Variants in C1GALT1 observed in about 807,000 individuals in gnomAD.
C1GALT1 encodes glycoprotein-N-acetylgalactosamine 3-beta-galactosyltransferase 1.
A neutral mutation model predicts 31.0 loss-of-function variants in C1GALT1; 11 were observed. The observed-to-expected ratio is 0.36, with a 90% CI of 0.22 to 0.59. The LOEUF is 0.59. C1GALT1 is among the 20% of genes least tolerant of loss of function. The pLI is 0.79. For missense variants in C1GALT1, 424 were observed against 425.2 expected, an observed-to-expected ratio of 1.00 and a Z score of 0.03; for synonymous variants, 175 against 143.6, an observed-to-expected ratio of 1.22 and a Z score of -1.56.
intron 2 of C1GALT1, among the ~76,000 whole-genome samples, chr7:7,162,802 G>A (rs1461722201): frequency 6.6e-6 from 1 of 152,072 alleles, no homozygotes; most frequent in Non-Finnish European, 1.5e-5. Context: ...TTTAATGATT[G>A]CCATTCTAAC....
At chr7:7,170,680 A>G (rs61458286) in intron 2 of C1GALT1, among the ~76,000 whole-genome samples, 3,672 of 152,230 alleles carry the variant, frequency 0.024, 131 homozygotes, top group African/African-American at 0.083. Context: ...TTACTCAGGA[A>G]GCTGAGGAAG....
intron 2 of C1GALT1, among the ~76,000 whole-genome samples, chr7:7,236,887 C>G (rs1406253373): frequency 2.0e-5 from 3 of 152,110 alleles, no homozygotes; most frequent in Non-Finnish European, 4.4e-5. Flanking sequence ...AGTTGGTTAA[C>G]TAGTATATTA....
chr7:7,230,839 C>A (rs1467439657), intron 1 of C1GALT1, among the ~76,000 whole-genome samples: 2 of 151,646 alleles, frequency 1.3e-5, no homozygotes, highest in Non-Finnish European at 2.9e-5. Flanking sequence ...ATGGATCCTC[C>A]TTATACTTTT....
intron 2 of C1GALT1, among the ~76,000 whole-genome samples, chr7:7,165,496 G>A (rs993965147): frequency 1.3e-5 from 2 of 152,170 alleles, no homozygotes; most frequent in African/African-American, 4.8e-5. Flanking sequence ...TCCATGGGGT[G>A]CAGATGAGAC....
intron 1 of C1GALT1, among the ~76,000 whole-genome samples, chr7:7,202,180 G>T (rs969120302): frequency 6.6e-6 from 1 of 152,228 alleles, no homozygotes; most frequent in Non-Finnish European, 1.5e-5. Context: ...TGGGCACTCA[G>T]AGTTTTTTGG....
chr7:7,216,161 G>A lies in C1GALT1; in HGVS notation c.-17-18142G>A, dbSNP rs149862945. ...TAAGGAAGTTCCAGTGTTTGAGAGT[G>A]CACTCCAGAGGGGTGCAAGCTGAAG... On this transcript the variant is annotated intron_variant, in intron 1 of 3. Transcript: ENST00000436587. Among the ~76,000 whole-genome samples the A allele has an allele frequency of 2.6e-5, 4 of 152,242 alleles. No homozygotes were observed. The East Asian group carries it at 7.7e-4, about 29-fold the overall frequency.
intron 1 of C1GALT1, among the ~76,000 whole-genome samples, chr7:7,188,430 A>G (rs1287581161): frequency 6.6e-6 from 1 of 152,208 alleles, no homozygotes; most frequent in African/African-American, 2.4e-5. Flanking sequence ...TGAAAGGATC[A>G]AGAGATCATT....
chr7:7,221,097 G>C (rs1020254241), intron 1 of C1GALT1, among the ~76,000 whole-genome samples: 2 of 152,086 alleles, frequency 1.3e-5, no homozygotes, highest in African/African-American at 4.8e-5. Flanking sequence ...GATCCTTTCA[G>C]TGTGAAAATG....
intron 1 of C1GALT1, among the ~76,000 whole-genome samples, chr7:7,207,230 GTC>G (rs1376981913): frequency 6.6e-6 from 1 of 150,502 alleles, no homozygotes; most frequent in Non-Finnish European, 1.5e-5. Context: ...CTGCCTTTCA[GTC>G]TCTCTAGTGG....
At chr7:7,233,959 T>C (rs1285646040) in intron 1 of C1GALT1, among the ~76,000 whole-genome samples, 1 of 150,442 alleles carries the variant, frequency 6.6e-6, no homozygotes, top group African/African-American at 2.5e-5. Flanking sequence ...GAAAAAGAAG[T>C]AGACTTCCGT....
chr7:7,218,379 T>C (rs1782348364), intron 1 of C1GALT1, among the ~76,000 whole-genome samples: 1 of 152,204 alleles, frequency 6.6e-6, no homozygotes, highest in South Asian at 2.1e-4. Flanking sequence ...AGTATTATAT[T>C]TTTAAGACAG....
Position 7,238,382 on chromosome 7 carries a change from C to T in C1GALT1, c.348C>T (p.Asn116=). The T allele has an allele frequency of 6.2e-7, 1 of 1,614,060 alleles. No individual in the cohort carries two copies. The part of the protein sequence containing the change: ...HVKATWAQRC[N]KVLFMSSEEN... ...AAGCTACTTGGGCCCAGCGTTGTAA[C>T]AAAGTGTTGTTTATGAGTTCAGAAG... Residue 116 remains asparagine, a synonymous_variant, in exon 3 of 4, where the codon AAC becomes AAT. Transcript: ENST00000436587. The surrounding 1 kb of genome is among the most constrained non-coding windows in gnomAD (Gnocchi z 5.2).
At chr7:7,199,722 T>C (rs942651251) in intron 1 of C1GALT1, among the ~76,000 whole-genome samples, 1 of 152,234 alleles carries the variant, frequency 6.6e-6, no homozygotes. Flanking sequence ...ATCTGGGTGC[T>C]CTTGTATTGG....
At chr7:7,207,842 T>A (rs1781820611) in intron 1 of C1GALT1, among the ~76,000 whole-genome samples, 1 of 152,022 alleles carries the variant, frequency 6.6e-6, no homozygotes, top group Non-Finnish European at 1.5e-5. Flanking sequence ...GTCTGAGATT[T>A]TGTACAATTA....
intron 1 of C1GALT1, among the ~76,000 whole-genome samples, chr7:7,223,579 T>C (rs55930739): frequency 3.1e-4 from 47 of 152,206 alleles, no homozygotes; most frequent in African/African-American, 1.1e-3. Context: ...TTTGTTTGTT[T>C]TTTATTATTT....
At chr7:7,180,123 A>G (rs1780553731), upstream of C1GALT1, among the ~76,000 whole-genome samples, 1 of 152,216 alleles carries the variant, frequency 6.6e-6, no homozygotes. Context: ...TACTCCAACG[A>G]GTTTTGACAT....
rs1783446823 is a variant in C1GALT1 at position 7,238,041 on chromosome 7, C to A, written c.221-214C>A. On this transcript the variant is annotated intron_variant, in intron 2 of 3. Coordinates refer to ENST00000436587, the MANE Select transcript of C1GALT1 (RefSeq NM_020156.5). The surrounding 1 kb of genome is among the most constrained non-coding windows in gnomAD (Gnocchi z 5.2). ...ATTTAGATTATAATGTCAACTCTTACTAGCTCCAGTGATGTCCTAGATAAC... is the reference window on the plus strand; with the variant it reads ...ATTTAGATTATAATGTCAACTCTTAATAGCTCCAGTGATGTCCTAGATAAC... Among the ~76,000 whole-genome samples, 1 of 152,178 alleles carries A rather than the reference C, an allele frequency of 6.6e-6. No homozygotes were observed.
Position 7,238,577 on chromosome 7 carries a change from G to T in C1GALT1, c.543G>T (p.Trp181Cys). Residue 181 changes from tryptophan (W) to cysteine (C), a missense_variant, in exon 3 of 4, where the codon TGG becomes TGT. By Grantham distance (215) the Trp-to-Cys change is radical (BLOSUM62 -2). Transcript: ENST00000436587. The surrounding 1 kb of genome is among the most constrained non-coding windows in gnomAD (Gnocchi z 5.2). Reference protein sequence around the residue: ...DTYVILDNLRWLLSKYDPEEP... With the variant: ...DTYVILDNLRCLLSKYDPEEP... ...ATGTCATACTAGACAATTTGAGGTG[G>T]CTTCTTTCAAAATACGACCCTGAAG... The T allele has an allele frequency of 6.2e-7, 1 of 1,614,086 alleles. No homozygotes were observed. Among genetic ancestry groups the T allele is most frequent in the South Asian group, 1.1e-5 (1 of 91,064 alleles).
rs1269674049 is a variant in C1GALT1 at position 7,227,580 on chromosome 7, C to T, written c.-17-6723C>T. Among the ~76,000 whole-genome samples the T allele has an allele frequency of 9.2e-5, 14 of 151,970 alleles. No homozygotes were observed. The East Asian group carries it at 1.7e-3, about 19-fold the overall frequency. ...CTAAAAACACAAAAAATTAGCCGGG[C>T]GTAGTGGCGGGCGCCTGTAGTCCCA... On this transcript the variant is annotated intron_variant, in intron 1 of 3. Coordinates refer to ENST00000436587, the MANE Select transcript of C1GALT1 (RefSeq NM_020156.5).
Sources: gnomAD v4.1 joint callset for allele counts (sites outside exome capture counted in the v4.1 genomes callset) on GRCh38, gnomAD v4.1.1 for gene constraint, Gnocchi (gnomAD v3.1) non-coding constraint, MANE v1.5 for transcripts, NCBI Gene and HGNC (gene_info 2026-07-23, HGNC 2026-07-21) for gene names.